TCTN2: variants seen among roughly 807,000 people sequenced by gnomAD.
TCTN2 encodes the protein tectonic family member 2, also known as tectonic-2.
In TCTN2, 66 loss-of-function variants were observed where a neutral mutation model predicts 83.4. The ratio of observed to expected loss-of-function variants is 0.79; its 90% confidence interval spans 0.65 to 0.97. TCTN2 has a LOEUF of 0.97. Among genes scored for constraint, TCTN2 ranks in the 50% least tolerant of loss-of-function variants. The pLI, the probability that TCTN2 is intolerant of heterozygous loss-of-function variation, is 0.00. For synonymous variants in TCTN2, 301 were observed against 326.7 expected (o/e 0.92, Z 0.85); for missense variants, 794 against 858.1 (o/e 0.93, Z 0.93).
At chr12:123,690,077 G>A (rs772881325) in intron 7 of TCTN2, among the ~76,000 whole-genome samples, 2 of 152,160 alleles carry the variant, frequency 1.3e-5, no homozygotes, top group African/African-American at 4.8e-5. Context: ...TGGGATTACA[G>A]GTGTGAGCCA....
intron 9 of TCTN2, among the ~76,000 whole-genome samples, chr12:123,693,729 C>T (rs1956074580): frequency 1.3e-5 from 2 of 151,786 alleles, no homozygotes; most frequent in Non-Finnish European, 2.9e-5. Context: ...GCAGGGGTTA[C>T]AGGCGTGAGC....
rs976901925 is a variant in TCTN2, at chr12:123,673,634, T to G, written c.287T>G (p.Val96Gly). 1 of 1,614,200 alleles carries G rather than the reference T, an allele frequency of 6.2e-7. No individual in the cohort carries two copies. Among genetic ancestry groups the G allele is most frequent in the Non-Finnish European group, 8.5e-7 (1 of 1,180,032 alleles). The change falls in exon 4 of 18, where the codon GTG becomes GGG. Residue 96 changes from valine (V) to glycine (G), a missense_variant. Val to Gly is a moderately radical substitution (Grantham distance 109). Transcript: ENST00000303372. ...IPGAKVLEVT[V>G]RWKRGLDWCS... The stretch of plus-strand genomic sequence containing the variant: ...TTTCAGAAGGTGTTGGAAGTGACAG[T>G]GAGGTGGAAGAGAGGTCTGGACTGG...
chr12:123,672,242 A>G (rs925398669), intron 3 of TCTN2, 110 bp downstream of exon 3: 26 of 1,012,470 alleles, frequency 2.6e-5, no homozygotes, highest in Non-Finnish European at 3.9e-5. Context: ...GCTCTCAACA[A>G]TCATGAAATT....
chr12:123,696,992 C>T, intron 12 of TCTN2, 95 bp from the exon 13 acceptor site: 1 of 1,005,914 alleles, frequency 9.9e-7, no homozygotes, highest in East Asian at 2.4e-5. Flanking sequence ...AACTTTATTT[C>T]TACTTACTGT....
Position 123,704,696 on chromosome 12 carries a change from C to A in TCTN2, c.1769+8C>A. 1 of 1,613,342 alleles carries A rather than the reference C, an allele frequency of 6.2e-7. No individual in the cohort carries two copies. The highest frequency in any genetic ancestry group is 1.1e-5 in the South Asian group (1 of 90,980). Reference sequence around the variant, plus strand: ...ACTCGGTGTAGAGACAAGGTATGATCACATCTTGGATCACCGTAGTTTAGA... The same window carrying A: ...ACTCGGTGTAGAGACAAGGTATGATAACATCTTGGATCACCGTAGTTTAGA... On this transcript the variant is annotated splice_region_variant and intron_variant, in intron 15 of 17. Coordinates refer to ENST00000303372, the MANE Select transcript of TCTN2 (RefSeq NM_024809.5).
Position 123,707,766 on chromosome 12 carries a change from G to A in TCTN2, c.*53G>A, listed in dbSNP as rs1159968358. On this transcript the variant is annotated 3_prime_UTR_variant, in exon 18 of 18. Coordinates refer to ENST00000303372, the MANE Select transcript of TCTN2 (RefSeq NM_024809.5). ...GATGGAGTTTTGCTCTTGTTGCCCA[G>A]GCTGAAGTGATCTCGGCTCACCACA... 3 of 1,407,974 alleles carry A rather than the reference G, an allele frequency of 2.1e-6. No homozygotes were observed. The highest frequency in any genetic ancestry group is 4.6e-5 in the East Asian group (2 of 43,956). 87.2% of individuals were successfully genotyped at this position (1,407,974 alleles called of 1,614,324 possible).
At chr12:123,679,027 G>A (rs570643466) in intron 4 of TCTN2, among the ~76,000 whole-genome samples, 162 bp from the exon 5 acceptor site, 1 of 152,242 alleles carries the variant, frequency 6.6e-6, no homozygotes, top group East Asian at 1.9e-4. Flanking sequence ...TCGATCTCCT[G>A]ACCTCATGAT....
chr12:123,702,504 T>C (rs1956184335), intron 14 of TCTN2, among the ~76,000 whole-genome samples: 1 of 150,934 alleles, frequency 6.6e-6, no homozygotes, highest in Admixed American at 6.6e-5. Flanking sequence ...CCCAGACCAC[T>C]CTCTGACTTG....
intron 5 of TCTN2, among the ~76,000 whole-genome samples, chr12:123,680,401 G>A (rs1351870430): frequency 7.0e-6 from 1 of 143,672 alleles, no homozygotes. Flanking sequence ...TTTTTTTTTT[G>A]AGACGGCCTC....
intron 17 of TCTN2, 132 bp from the exon 18 acceptor site, chr12:123,707,472 A>G (rs1956244317): frequency 9.4e-6 from 8 of 850,538 alleles, no homozygotes; most frequent in Non-Finnish European, 1.6e-5. Context: ...AACTGGCCTC[A>G]AGTGATCCGC....
intron 8 of TCTN2, among the ~76,000 whole-genome samples, chr12:123,691,462 G>A (rs1242734161): frequency 1.3e-5 from 2 of 152,188 alleles, no homozygotes; most frequent in African/African-American, 4.8e-5. Flanking sequence ...ATCCGTGTTT[G>A]TAGTGTGTGG....
At chr12:123,675,427 C>T (rs1424969722) in intron 4 of TCTN2, among the ~76,000 whole-genome samples, 5 of 152,132 alleles carry the variant, frequency 3.3e-5, no homozygotes, top group Non-Finnish European at 7.3e-5. Context: ...GAGGGAGAAG[C>T]GTTCCAGACT....
chr12:123,690,295 T>G (rs1311718469), intron 7 of TCTN2, among the ~76,000 whole-genome samples: 1 of 152,228 alleles, frequency 6.6e-6, no homozygotes, highest in Non-Finnish European at 1.5e-5. Flanking sequence ...AGGGATTTTC[T>G]TTGTTTTTAT....
intron 17 of TCTN2, 131 bp from the exon 18 acceptor site, chr12:123,707,473 A>T: frequency 1.2e-6 from 1 of 855,126 alleles, no homozygotes; most frequent in Non-Finnish European, 2.0e-6. Context: ...ACTGGCCTCA[A>T]GTGATCCGCC....
rs1280731231 is a variant in TCTN2 at position 123,689,539 on chromosome 12, G to A, written c.892-994G>A. ...TTTATATTTTTATTTTAGGTTCAGG[G>A]CTACATGAGCAGGTTTGTTATATAG... On this transcript the variant is annotated intron_variant, in intron 7 of 17. Transcript: ENST00000303372. 1.3e-5 allele frequency among the ~76,000 whole-genome samples: 2 copies of A among 151,992 alleles called. 1 individual carries two copies. Among genetic ancestry groups the A allele is most frequent in the African/African-American group, 4.8e-5 (2 of 41,380 alleles).
intron 16 of TCTN2, 29 bp downstream of exon 16, chr12:123,706,880 T>G: frequency 5.0e-6 from 8 of 1,614,162 alleles, no homozygotes; most frequent in Non-Finnish European, 6.8e-6. Flanking sequence ...TAGTTGACAT[T>G]AGGAAGCAGA....
At position 123,707,801 on chromosome 12, in the gene TCTN2, T is replaced by A. The variant is rs1284851167; in HGVS notation, c.*88T>A. The A allele has an allele frequency of 2.9e-6, 3 of 1,018,886 alleles. No individual in the cohort carries two copies. The highest frequency in any genetic ancestry group is 1.8e-5 in the Admixed American group (1 of 55,970). The allele number at this position is 1,018,886 out of a possible 1,614,324, so 63.1% of individuals were successfully genotyped here. A position where few individuals can be genotyped will look rare whatever the true frequency, so the allele number is the denominator to read the frequency against. ...ATCTCGGCTCACCACAACCTCCTCCTCTTGGGTTCAAGCGATTCTCCTGCC... is the reference window on the plus strand; with the variant it reads ...ATCTCGGCTCACCACAACCTCCTCCACTTGGGTTCAAGCGATTCTCCTGCC... On this transcript the variant is annotated 3_prime_UTR_variant, in exon 18 of 18. Transcript: ENST00000303372.
At chr12:123,693,345 G>T (rs1486144467) in intron 9 of TCTN2, among the ~76,000 whole-genome samples, 1 of 148,598 alleles carries the variant, frequency 6.7e-6, no homozygotes, top group Non-Finnish European at 1.5e-5. Flanking sequence ...AACTTTTTAG[G>T]GCACAGCATT....
chr12:123,698,335 C>T (rs1352324956), intron 13 of TCTN2, among the ~76,000 whole-genome samples: 3 of 151,866 alleles, frequency 2.0e-5, no homozygotes, highest in East Asian at 1.9e-4. Context: ...AGCCACTGTG[C>T]CCAGCCTTGT....
Sources: allele counts gnomAD v4.1 joint callset (sites outside exome capture counted in the v4.1 genomes callset), GRCh38; gene constraint gnomAD v4.1.1; transcripts MANE v1.5; gene names NCBI Gene and HGNC (gene_info 2026-07-23, HGNC 2026-07-21).